CRYBG3: variants seen among roughly 807,000 people sequenced by gnomAD.
CRYBG3 encodes crystallin beta-gamma domain containing 3.
CRYBG3 carries 127 observed loss-of-function variants against 244.2 expected under a neutral mutation model. That is an observed-to-expected ratio of 0.52 (90% CI 0.45 to 0.60). The LOEUF (loss-of-function observed/expected upper bound fraction) is 0.60, where lower values mean the gene tolerates loss of function less well. Among genes scored for constraint, CRYBG3 ranks in the 20% least tolerant of loss-of-function variants. CRYBG3 has a pLI of 0.00. For synonymous variants in CRYBG3, 1,132 were observed against 1,195.8 expected (o/e 0.95, Z 1.10); for missense variants, 3,325 against 3,442.5 (o/e 0.97, Z 0.85).
rs2039371153 is a variant in CRYBG3, at chr3:97,876,287, G to A, written c.5093G>A (p.Gly1698Asp). ...GTGGAAAATATCCACCAAAAAGGTG[G>A]TGAAGGGATTAGTGAAAAGGCTGAA... ...SEVENIHQKG[G>D]EGISEKAEVI... The change falls in exon 4 of 22, where the codon GGT becomes GAT. Residue 1698 changes from glycine to aspartate, a missense_variant. By Grantham distance (94) the Gly-to-Asp change is moderately conservative. Around this residue, in one of 4 missense-constraint regions of CRYBG3, gnomAD observed 635 missense variants for 771.7 expected, o/e 0.82. Coordinates refer to ENST00000389622, the MANE Select transcript of CRYBG3 (RefSeq NM_153605.4). The A allele has an allele frequency of 8.1e-7, 1 of 1,231,970 alleles. No homozygotes were observed. Among genetic ancestry groups the A allele is most frequent in the African/African-American group, 1.6e-5 (1 of 64,488 alleles). 76.3% of individuals were successfully genotyped at this position (1,231,970 alleles called of 1,614,324 possible).
chr3:97,873,979 T>G lies in CRYBG3; in HGVS notation c.2785T>G (p.Leu929Val). ...EDKPEPEVDA[L>V]GSPPALLKSN... ...TAAGCCAGAACCAGAGGTAGATGCC[T>G]TAGGCTCTCCTCCTGCTCTTCTTAA... The change falls in exon 4 of 22, where the codon TTA becomes GTA. Residue 929 changes from leucine (L) to valine (V), a missense_variant. This residue lies in a region of CRYBG3 where 1,526 missense variants were observed against 1,443.2 expected (regional missense o/e 1.06). Transcript: ENST00000389622. The G allele has an allele frequency of 2.0e-6, 3 of 1,534,666 alleles. No homozygotes were observed. The highest frequency in any genetic ancestry group is 2.6e-6 in the Non-Finnish European group (3 of 1,146,516).
At chr3:97,840,656 C>A (rs926692934) in intron 1 of CRYBG3, 1 of 151,944 alleles carries the variant, frequency 6.6e-6, no homozygotes, top group Non-Finnish European at 1.5e-5. Context: ...AGAAACTTAC[C>A]GTTTTCATTT....
rs1576538493 is a variant in CRYBG3 at position 97,876,222 on chromosome 3, A to C, written c.5028A>C (p.Glu1676Asp). 1.6e-6 allele frequency: 2 copies of C among 1,232,092 alleles called. No homozygotes were observed. The highest frequency in any genetic ancestry group is 1.0e-6 in the Non-Finnish European group (1 of 987,932). The allele number at this position is 1,232,092 out of a possible 1,614,324, so 76.3% of individuals were successfully genotyped here. A position where few individuals can be genotyped will look rare whatever the true frequency, so the allele number is the denominator to read the frequency against. The change falls in exon 4 of 22, where the codon GAA (glutamate) becomes GAC (aspartate). Residue 1676 changes from glutamate to aspartate, a missense_variant. Coordinates refer to ENST00000389622, the MANE Select transcript of CRYBG3 (RefSeq NM_153605.4). Reference protein sequence around the residue: ...DMENIYQTHAEGDIGKTGTIA... With the variant: ...DMENIYQTHADGDIGKTGTIA... Reference sequence around the variant, plus strand: ...AAAATATTTACCAAACGCATGCTGAAGGGGATATTGGCAAGACTGGGACGA... The same window carrying C: ...AAAATATTTACCAAACGCATGCTGACGGGGATATTGGCAAGACTGGGACGA...
chr3:97,918,813 A>G (rs1365133431), intron 17 of CRYBG3, among the ~76,000 whole-genome samples: 2 of 152,258 alleles, frequency 1.3e-5, no homozygotes, highest in African/African-American at 4.8e-5. Flanking sequence ...GGACATGACT[A>G]TTTTCATGAC....
chr3:97,887,072 C>G (rs1337130749), intron 8 of CRYBG3, among the ~76,000 whole-genome samples: 1 of 152,172 alleles, frequency 6.6e-6, no homozygotes, highest in African/African-American at 2.4e-5. Context: ...TGAACTATTT[C>G]TAGAGTGTCT....
intron 7 of CRYBG3, among the ~76,000 whole-genome samples, chr3:97,885,804 T>G (rs2108227796): frequency 6.6e-6 from 1 of 152,284 alleles, no homozygotes; most frequent in East Asian, 1.9e-4. Context: ...ATGAATTTGA[T>G]GTGCTTGGGT....
chr3:97,876,961 A>G lies in CRYBG3; in HGVS notation c.5767A>G (p.Asn1923Asp). 6.6e-7 allele frequency: 1 copy of G among 1,507,160 alleles called. No individual in the cohort carries two copies. Among genetic ancestry groups the G allele is most frequent in the Non-Finnish European group, 8.8e-7 (1 of 1,130,926 alleles). The allele number at this position is 1,507,160 out of a possible 1,614,324, so 93.4% of individuals were successfully genotyped here. A position where few individuals can be genotyped will look rare whatever the true frequency, so the allele number is the denominator to read the frequency against. ...EIKEGLIAHE[N>D]RLPTYFRGYE... ...AAAGGAAGGCTTGATAGCACATGAA[A>G]ATAGACTTCCTACATATTTCAGGGG... The change falls in exon 4 of 22, where the codon AAT becomes GAT. Residue 1923 changes from asparagine (N) to aspartate (D), a missense_variant. Physicochemically the swap from Asn to Asp is conservative, Grantham distance 23 (BLOSUM62 1). Transcript: ENST00000389622.
At chr3:97,931,055 G>A (rs1010971016) in intron 17 of CRYBG3, among the ~76,000 whole-genome samples, 1 of 151,732 alleles carries the variant, frequency 6.6e-6, no homozygotes, top group Non-Finnish European at 1.5e-5. Flanking sequence ...TTCCACTAAC[G>A]CCTTCCACAA....
At chr3:97,937,002 A>G in intron 19 of CRYBG3, 94 bp downstream of exon 19, 1 of 1,421,852 alleles carries the variant, frequency 7.0e-7, no homozygotes. Flanking sequence ...CATTTAATTT[A>G]GTTTGCCATT....
chr3:97,889,498 C>T, intron 10 of CRYBG3, 108 bp downstream of exon 10: 2 of 925,418 alleles, frequency 2.2e-6, no homozygotes, highest in South Asian at 3.0e-5. Context: ...TATGATTATA[C>T]TTAGCTAATG....
chr3:97,828,844 AAT>A (rs1553700125), intron 1 of CRYBG3, among the ~76,000 whole-genome samples: 2 of 151,180 alleles, frequency 1.3e-5, no homozygotes, highest in Non-Finnish European at 2.9e-5. Flanking sequence ...AAAAAAAAAA[AAT>A]AACAAAAACA....
chr3:97,905,648 T>G (rs1182552851), intron 15 of CRYBG3, among the ~76,000 whole-genome samples: 1 of 150,760 alleles, frequency 6.6e-6, no homozygotes. Context: ...ATATTAGCCC[T>G]TTGTCAGATG....
At chr3:97,824,473 G>A (rs1361743967) in intron 1 of CRYBG3, among the ~76,000 whole-genome samples, 1 of 151,838 alleles carries the variant, frequency 6.6e-6, no homozygotes, top group African/African-American at 2.4e-5. Flanking sequence ...CTGTTTTTTT[G>A]CCTGCTCACA....
At chr3:97,918,523 G>A (rs777565605) in intron 17 of CRYBG3, among the ~76,000 whole-genome samples, 1 of 152,132 alleles carries the variant, frequency 6.6e-6, no homozygotes, top group Non-Finnish European at 1.5e-5. Context: ...CAGTTCTGTT[G>A]CAAATAAGTA....
chr3:97,881,028 T>C, intron 6 of CRYBG3, 44 bp from the exon 7 acceptor site: 1 of 1,474,562 alleles, frequency 6.8e-7, no homozygotes, highest in East Asian at 2.4e-5. Flanking sequence ...CCTTATTTCT[T>C]AGAAAATTAA....
At chr3:97,826,823 CTGTT>C (rs1239349412) in intron 1 of CRYBG3, among the ~76,000 whole-genome samples, 3 of 152,244 alleles carry the variant, frequency 2.0e-5, no homozygotes, top group Non-Finnish European at 4.4e-5. Flanking sequence ...GTGTACATCT[CTGTT>C]CTTAATATGA....
intron 15 of CRYBG3, among the ~76,000 whole-genome samples, chr3:97,907,749 A>G (rs947787294): frequency 1.4e-4 from 21 of 151,488 alleles, no homozygotes; most frequent in African/African-American, 5.1e-4. Context: ...TATTTCCTTC[A>G]GTTCTGCTGT....
Position 97,912,247 on chromosome 3 carries a change from G to A in CRYBG3, c.8085G>A (p.Met2695Ile), listed in dbSNP as rs776497089. 2 of 1,604,128 alleles carry A rather than the reference G, an allele frequency of 1.2e-6. No homozygotes were observed. Among genetic ancestry groups the A allele is most frequent in the Non-Finnish European group, 1.7e-6 (2 of 1,174,448 alleles). ...TEETSDLTSLMPCSFKVLRGC... is the reference protein window; with the variant it reads ...TEETSDLTSLIPCSFKVLRGC... Reference sequence around the variant, plus strand: ...AAACTTCTGATTTGACTTCACTCATGCCATGTTCTTTTAAAGTTCTTCGAG... The same window carrying A: ...AAACTTCTGATTTGACTTCACTCATACCATGTTCTTTTAAAGTTCTTCGAG... Residue 2695 changes from methionine (M) to isoleucine (I), a missense_variant, in exon 16 of 22, where the codon ATG becomes ATA. Met to Ile is a conservative substitution (Grantham distance 10). Transcript: ENST00000389622.
chr3:97,932,796 T>C (rs919404764), intron 17 of CRYBG3, among the ~76,000 whole-genome samples: 13 of 152,044 alleles, frequency 8.6e-5, no homozygotes, highest in Admixed American at 2.0e-4. Flanking sequence ...TCCCATGTGT[T>C]TCTCTTGTCT....
Sources: allele counts gnomAD v4.1 joint callset (sites outside exome capture counted in the v4.1 genomes callset), GRCh38; gene constraint gnomAD v4.1.1; regional missense constraint gnomAD v4.1.1; transcripts MANE v1.5; gene names NCBI Gene and HGNC (gene_info 2026-07-23, HGNC 2026-07-21).